RASA2: variants seen among roughly 807,000 people sequenced by gnomAD.
RASA2 encodes RAS p21 protein activator 2, also known as ras GTPase-activating protein 2.
Under a neutral mutation model 118.2 loss-of-function variants are expected in RASA2, and 155 were observed. That is an observed-to-expected ratio of 1.31 (90% CI 1.15 to 1.50). The LOEUF (loss-of-function observed/expected upper bound fraction) is 1.50. RASA2 is among the 40% of genes most tolerant of loss of function. The pLI is 0.00. For synonymous variants in RASA2, 353 were observed against 349.1 expected (o/e 1.01, Z -0.12); for missense variants, 1,016 against 1,009.6 (o/e 1.01, Z -0.09).
At chr3:141,502,576 TC>T in intron 1 of RASA2, among the ~76,000 whole-genome samples, 1 of 152,288 alleles carries the variant, frequency 6.6e-6, no homozygotes, top group East Asian at 1.9e-4. Context: ...TATGCCTTCC[TC>T]CTGGAACGTT....
intron 9 of RASA2, among the ~76,000 whole-genome samples, chr3:141,568,848 C>T (rs1041787531): frequency 6.6e-6 from 1 of 151,580 alleles, no homozygotes. Flanking sequence ...GATGATAAGC[C>T]ACAGGAAAAA....
chr3:141,507,695 A>T (rs2081890024), intron 1 of RASA2, among the ~76,000 whole-genome samples: 3 of 152,186 alleles, frequency 2.0e-5, no homozygotes, highest in Admixed American at 2.0e-4. Flanking sequence ...ATATTCATGA[A>T]ATCTGTGACT....
chr3:141,543,483 C>G (rs1414256315), intron 5 of RASA2, among the ~76,000 whole-genome samples: 5 of 152,110 alleles, frequency 3.3e-5, no homozygotes, highest in African/African-American at 9.7e-5. Flanking sequence ...TGTCTCTACC[C>G]ACATTTTTGC....
chr3:141,614,240 G>A lies in RASA2; in HGVS notation c.*1927G>A, dbSNP rs773050009. ...ATGATCACAGGGACCAAGGCTGTGT[G>A]CATATATAACTCTGGATTTGAAAGG... On this transcript the variant is annotated 3_prime_UTR_variant, in exon 24 of 24. Transcript: ENST00000286364. 1.3e-5 allele frequency: 2 copies of A among 151,950 alleles called. No homozygotes were observed. Among genetic ancestry groups the A allele is most frequent in the Admixed American group, 6.6e-5 (1 of 15,248 alleles). The allele number at this position is 151,950 out of a possible 1,614,324, so 9.4% of individuals were successfully genotyped here. A position where few individuals can be genotyped will look rare whatever the true frequency, so the allele number is the denominator to read the frequency against.
rs1349050949 is a variant in RASA2 at position 141,553,848 on chromosome 3, C to G, written c.528-9C>G. The G allele has an allele frequency of 6.2e-7, 1 of 1,602,004 alleles. No individual in the cohort carries two copies. ...TCTAATATGTTAAATCTCTTTTATT[C>G]TACCTTAGCATCAAGGCATGCCATG... is the stretch of plus-strand genomic sequence containing the variant. On this transcript the variant is annotated splice_polypyrimidine_tract_variant and intron_variant, in intron 5 of 23. Coordinates refer to ENST00000286364, the MANE Select transcript of RASA2 (RefSeq NM_006506.5).
intron 2 of RASA2, among the ~76,000 whole-genome samples, 188 bp from the exon 3 acceptor site, chr3:141,516,140 T>G (rs555147657): frequency 6.6e-6 from 1 of 151,652 alleles, no homozygotes; most frequent in Non-Finnish European, 1.5e-5. Context: ...ACATGGCACA[T>G]GTATACATAT....
chr3:141,507,218 G>A (rs1319773647), intron 1 of RASA2, among the ~76,000 whole-genome samples: 1 of 152,166 alleles, frequency 6.6e-6, no homozygotes, highest in East Asian at 1.9e-4. Flanking sequence ...GCCACGTGTA[G>A]CCGGTGGATT....
intron 19 of RASA2, 96 bp downstream of exon 19, chr3:141,586,848 A>G (rs1475587882): frequency 1.0e-6 from 1 of 978,482 alleles, no homozygotes. Flanking sequence ...TTTCAGTAAT[A>G]TTACTGTAGT....
intron 9 of RASA2, among the ~76,000 whole-genome samples, chr3:141,566,277 TG>T: frequency 6.6e-6 from 1 of 152,222 alleles, no homozygotes; most frequent in East Asian, 1.9e-4. Context: ...TTATGCCTCT[TG>T]GTAGAACTAC....
intron 19 of RASA2, among the ~76,000 whole-genome samples, chr3:141,605,144 T>C (rs2083527488): frequency 6.6e-6 from 1 of 152,088 alleles, no homozygotes; most frequent in Non-Finnish European, 1.5e-5. Context: ...TTCTGCCTAG[T>C]ATTTAGGAGG....
chr3:141,586,825 C>A, intron 19 of RASA2, 73 bp downstream of exon 19: 2 of 1,174,206 alleles, frequency 1.7e-6, no homozygotes, highest in Non-Finnish European at 2.5e-6. Flanking sequence ...CTTATTGTGA[C>A]TCTAGTGAAT....
chr3:141,597,767 A>G (rs954460514), intron 19 of RASA2, among the ~76,000 whole-genome samples: 1 of 152,206 alleles, frequency 6.6e-6, no homozygotes, highest in Non-Finnish European at 1.5e-5. Flanking sequence ...ATAGGAAACA[A>G]ACTAATAGTG....
At chr3:141,570,689 A>G (rs540666429) in intron 9 of RASA2, among the ~76,000 whole-genome samples, 1 of 152,342 alleles carries the variant, frequency 6.6e-6, no homozygotes, top group East Asian at 1.9e-4. Context: ...TGTAATATCT[A>G]TGCTTTTTGT....
chr3:141,601,581 C>T (rs764604982), intron 19 of RASA2, among the ~76,000 whole-genome samples: 7 of 152,080 alleles, frequency 4.6e-5, no homozygotes, highest in Non-Finnish European at 7.4e-5. Context: ...ATGAATTGGA[C>T]TTCATTGAAA....
At chr3:141,512,502 C>T (rs2081966667) in intron 2 of RASA2, among the ~76,000 whole-genome samples, 1 of 152,040 alleles carries the variant, frequency 6.6e-6, no homozygotes, top group Non-Finnish European at 1.5e-5. Context: ...ATTGCCTATT[C>T]GTTTGAACTT....
At chr3:141,552,282 G>A (rs969113801) in intron 5 of RASA2, among the ~76,000 whole-genome samples, 2 of 152,066 alleles carry the variant, frequency 1.3e-5, no homozygotes, top group African/African-American at 4.8e-5. Flanking sequence ...TGGTGTTTAT[G>A]TGAGATAAAT....
At chr3:141,494,649 GA>G (rs1291630688) in intron 1 of RASA2, among the ~76,000 whole-genome samples, 1 of 152,172 alleles carries the variant, frequency 6.6e-6, no homozygotes, top group Non-Finnish European at 1.5e-5. Context: ...TTACAGCCGT[GA>G]ACCACTGCGC....
At chr3:141,591,231 A>G (rs954500983) in intron 19 of RASA2, among the ~76,000 whole-genome samples, 1 of 152,178 alleles carries the variant, frequency 6.6e-6, no homozygotes, top group Non-Finnish European at 1.5e-5. Context: ...CATCTTTTGC[A>G]TGCTTTTACA....
chr3:141,540,759 T>C (rs1218774869), intron 5 of RASA2, 150 bp downstream of exon 5: 4 of 671,302 alleles, frequency 6.0e-6, no homozygotes, highest in Non-Finnish European at 1.0e-5. Flanking sequence ...TGATTTTCAA[T>C]TTAATTTTCT....
Sources: allele counts gnomAD v4.1 joint callset (sites outside exome capture counted in the v4.1 genomes callset), GRCh38; gene constraint gnomAD v4.1.1; transcripts MANE v1.5; gene names NCBI Gene and HGNC (gene_info 2026-07-23, HGNC 2026-07-21).